The following PTPRM variants were observed in gnomAD, a reference collection of about 807,000 sequenced individuals.
PTPRM encodes protein tyrosine phosphatase receptor type M, also known as receptor-type tyrosine-protein phosphatase mu.
Under a neutral mutation model 186.7 loss-of-function variants are expected in PTPRM, and 47 were observed. The ratio of observed to expected loss-of-function variants is 0.25; its 90% confidence interval spans 0.20 to 0.32. PTPRM has a LOEUF of 0.32. Ranked by LOEUF, PTPRM falls within the 10% of genes least tolerant of loss-of-function variation. The pLI, the probability that PTPRM is intolerant of heterozygous loss-of-function variation, is 1.00. For missense variants in PTPRM, 1,494 were observed against 1,865.0 expected, an observed-to-expected ratio of 0.80 and a Z score of 3.66; for synonymous variants, 668 against 674.9, an observed-to-expected ratio of 0.99 and a Z score of 0.16.
At chr18:7,738,458 C>T (rs916972628) in intron 1 of PTPRM, among the ~76,000 whole-genome samples, 2 of 151,480 alleles carry the variant, frequency 1.3e-5, no homozygotes, top group African/African-American at 4.9e-5. Flanking sequence ...TTTTTTGAGA[C>T]GGAGTCTCGC....
chr18:8,079,630 A>T (rs1218271872), intron 9 of PTPRM, among the ~76,000 whole-genome samples: 1 of 152,144 alleles, frequency 6.6e-6, no homozygotes, highest in African/African-American at 2.4e-5. Context: ...CTCCCACCTC[A>T]CATCATACAA....
chr18:7,715,937 C>T (rs2040319664), intron 1 of PTPRM, among the ~76,000 whole-genome samples: 1 of 152,246 alleles, frequency 6.6e-6, no homozygotes, highest in East Asian at 1.9e-4. Context: ...CCATACTGCC[C>T]AAAGTAATTT....
chr18:7,567,445 G>GGCCACC lies in PTPRM; in HGVS notation c.-368_-363dup, dbSNP rs1198360295. 9 of 161,000 alleles carry GGCCACC rather than the reference G, an allele frequency of 5.6e-5. No homozygotes were observed. The highest frequency in any genetic ancestry group is 8.0e-5 in the Non-Finnish European group (6 of 74,608). The allele number at this position is 161,000 out of a possible 1,614,324, so 10.0% of individuals were successfully genotyped here. On this transcript the variant is annotated 5_prime_UTR_variant, in exon 1 of 33. Transcript: ENST00000580170. The surrounding 1 kb of genome is among the most constrained non-coding windows in gnomAD (Gnocchi z 4.3). ...GCGGAACGCGCGCGGCCACGGCCAC[G>GGCCACC]GCCACCGCCACGGCCACGGCCGGCA...
At chr18:8,160,388 T>C (rs563635179) in intron 14 of PTPRM, among the ~76,000 whole-genome samples, 2 of 152,158 alleles carry the variant, frequency 1.3e-5, no homozygotes, top group South Asian at 4.2e-4. Context: ...GCTCAAGTGA[T>C]CCCCCGTCTC....
At chr18:7,712,897 G>T (rs1295493760) in intron 1 of PTPRM, among the ~76,000 whole-genome samples, 1 of 152,032 alleles carries the variant, frequency 6.6e-6, no homozygotes, top group East Asian at 1.9e-4. Context: ...TGTTTGATTG[G>T]TGTACCTGAA....
chr18:7,801,571 A>T (rs1448573665), intron 2 of PTPRM, among the ~76,000 whole-genome samples: 1 of 152,206 alleles, frequency 6.6e-6, no homozygotes, highest in East Asian at 1.9e-4. Flanking sequence ...TAACAACAAA[A>T]GTATAGTATA....
intron 2 of PTPRM, among the ~76,000 whole-genome samples, chr18:7,870,809 A>G (rs1410978146): frequency 1.3e-5 from 2 of 152,156 alleles, no homozygotes; most frequent in Non-Finnish European, 2.9e-5. Flanking sequence ...CTATGGAAGT[A>G]ATTCTGCCTA....
At chr18:7,646,458 C>T (rs1327753244) in intron 1 of PTPRM, among the ~76,000 whole-genome samples, 2 of 152,128 alleles carry the variant, frequency 1.3e-5, no homozygotes, top group African/African-American at 4.8e-5. Context: ...GTAAATGTTA[C>T]TTGCATACCT....
intron 14 of PTPRM, among the ~76,000 whole-genome samples, chr18:8,162,256 C>A (rs185238558): frequency 6.6e-6 from 1 of 152,050 alleles, no homozygotes; most frequent in Non-Finnish European, 1.5e-5. Context: ...CATGCCACCA[C>A]GCCCAGCTAA....
At chr18:8,239,236 A>G (rs986466283) in intron 14 of PTPRM, among the ~76,000 whole-genome samples, 2 of 145,252 alleles carry the variant, frequency 1.4e-5, no homozygotes, top group Admixed American at 1.4e-4. Context: ...ATGAGTGAGA[A>G]TATGCGGTGT....
intron 32 of PTPRM, among the ~76,000 whole-genome samples, chr18:8,399,995 G>C (rs1175316238): frequency 6.6e-6 from 1 of 152,210 alleles, no homozygotes; most frequent in Non-Finnish European, 1.5e-5. Context: ...GAGTTGCTGG[G>C]AGAAATCCAG....
intron 7 of PTPRM, among the ~76,000 whole-genome samples, chr18:8,007,585 G>C (rs2084265096): frequency 6.6e-6 from 1 of 152,166 alleles, no homozygotes; most frequent in Non-Finnish European, 1.5e-5. Flanking sequence ...GTTTGTAACA[G>C]ATCTAAAAGG....
At chr18:7,874,804 T>C (rs1207258433) in intron 2 of PTPRM, among the ~76,000 whole-genome samples, 1 of 152,112 alleles carries the variant, frequency 6.6e-6, no homozygotes, top group Non-Finnish European at 1.5e-5. Context: ...ATGCACTGAG[T>C]TCAGTTATTT....
chr18:7,578,713 T>G (rs917204456), intron 1 of PTPRM, among the ~76,000 whole-genome samples: 1 of 151,682 alleles, frequency 6.6e-6, no homozygotes, highest in Non-Finnish European at 1.5e-5. Context: ...GTTCAAGTGA[T>G]CCTCCCACCT....
At chr18:8,227,427 G>GT (rs2094227488) in intron 14 of PTPRM, among the ~76,000 whole-genome samples, 1 of 152,008 alleles carries the variant, frequency 6.6e-6, no homozygotes, top group Non-Finnish European at 1.5e-5. Context: ...GAATAGAAAG[G>GT]TTTTTTAAAA....
intron 7 of PTPRM, among the ~76,000 whole-genome samples, chr18:7,956,603 C>T (rs1477001582): frequency 1.3e-5 from 2 of 152,180 alleles, no homozygotes; most frequent in Non-Finnish European, 2.9e-5. Context: ...ATCCTCGTGG[C>T]ACCTTTGTGC....
chr18:8,015,939 C>T (rs564200301), intron 7 of PTPRM, among the ~76,000 whole-genome samples: 6 of 152,118 alleles, frequency 3.9e-5, no homozygotes, highest in South Asian at 2.1e-4. Context: ...TATGAGACCT[C>T]GAAATATCAA....
At chr18:8,124,230 TA>T in intron 13 of PTPRM, among the ~76,000 whole-genome samples, 1 of 152,220 alleles carries the variant, frequency 6.6e-6, no homozygotes, top group Non-Finnish European at 1.5e-5. Context: ...CAAAAACCAG[TA>T]AAAAACTACT....
At chr18:7,778,867 G>A (rs1472300644) in intron 2 of PTPRM, among the ~76,000 whole-genome samples, 3 of 152,222 alleles carry the variant, frequency 2.0e-5, no homozygotes, top group East Asian at 1.9e-4. Context: ...TTTTTTGTTA[G>A]CACTGTTACA....
Sources: allele counts gnomAD v4.1 joint callset (sites outside exome capture counted in the v4.1 genomes callset), GRCh38; gene constraint gnomAD v4.1.1; non-coding constraint Gnocchi (gnomAD v3.1); transcripts MANE v1.5; gene names NCBI Gene and HGNC (gene_info 2026-07-23, HGNC 2026-07-21).